The following TBX20 variants were observed in gnomAD, a reference collection of about 807,000 sequenced individuals.
TBX20 encodes T-box transcription factor TBX20.
In TBX20, 8 loss-of-function variants were observed where a neutral mutation model predicts 42.9. That is an observed-to-expected ratio of 0.19 (90% confidence interval 0.11 to 0.34). The LOEUF (loss-of-function observed/expected upper bound fraction) is 0.34, where lower values mean the gene tolerates loss of function less well. TBX20 is among the 10% of genes least tolerant of loss of function. The pLI is 1.00. For synonymous variants in TBX20, 198 were observed against 222.8 expected (o/e 0.89, Z 0.99); for missense variants, 411 against 566.0 (o/e 0.73, Z 2.78).
intron 6 of TBX20, among the ~76,000 whole-genome samples, chr7:35,230,464 C>A (rs1584350296): frequency 6.6e-6 from 1 of 152,234 alleles, no homozygotes; most frequent in East Asian, 1.9e-4. Context: ...TTCAGCCTCT[C>A]CTGCTTGCTC....
At chr7:35,245,995 A>C (rs1190791680) in intron 3 of TBX20, among the ~76,000 whole-genome samples, 1 of 152,194 alleles carries the variant, frequency 6.6e-6, no homozygotes, top group Non-Finnish European at 1.5e-5. Context: ...TTTACACCTA[A>C]ATTTTATATA....
intron 6 of TBX20, among the ~76,000 whole-genome samples, chr7:35,214,009 C>G (rs1011047473): frequency 5.3e-5 from 8 of 150,920 alleles, no homozygotes; most frequent in African/African-American, 1.7e-4. Flanking sequence ...GATAATAGTG[C>G]TATGGAAAAT....
intron 5 of TBX20, 107 bp from the exon 6 acceptor site, chr7:35,231,687 C>T (rs1174422652): frequency 1.3e-6 from 1 of 780,140 alleles, no homozygotes; most frequent in African/African-American, 1.7e-5. Flanking sequence ...CTTAATGTTT[C>T]TCAGTGTCCT....
In TBX20 at chr7:35,249,221, T is replaced by A. The variant is rs1790257211; in HGVS notation, c.381-380A>T. ...CCTGGAGCTGACCCAGTCACACAAC[T>A]CACCCGCATCCCAGCCAGAAAACTC... On this transcript the variant is annotated intron_variant, in intron 2 of 7. Coordinates refer to ENST00000408931, the MANE Select transcript of TBX20 (RefSeq NM_001077653.2). This position sits in a 1 kb window ranked among gnomAD's most constrained non-coding sequence, Gnocchi z 4.3. Among the ~76,000 whole-genome samples, 2 of 152,164 alleles carry A rather than the reference T, an allele frequency of 1.3e-5. No homozygotes were observed. The highest frequency in any genetic ancestry group is 4.8e-5 in the African/African-American group (2 of 41,442).
intron 6 of TBX20, among the ~76,000 whole-genome samples, chr7:35,215,782 G>A (rs1264038412): frequency 6.6e-6 from 1 of 151,890 alleles, no homozygotes. Context: ...ACACAATCAC[G>A]GCCAGAAAAT....
At chr7:35,204,803 C>A (rs1789373266) in intron 6 of TBX20, among the ~76,000 whole-genome samples, 2 of 152,112 alleles carry the variant, frequency 1.3e-5, no homozygotes. Flanking sequence ...ACATGACTGA[C>A]TAGGACAAGG....
At chr7:35,236,090 C>T (rs577107870) in intron 5 of TBX20, among the ~76,000 whole-genome samples, 1 of 152,078 alleles carries the variant, frequency 6.6e-6, no homozygotes, top group Non-Finnish European at 1.5e-5. Flanking sequence ...TGCAATCATT[C>T]CCTCACAAAA....
chr7:35,220,654 T>C (rs1789667170), intron 6 of TBX20, among the ~76,000 whole-genome samples: 1 of 152,206 alleles, frequency 6.6e-6, no homozygotes, highest in Non-Finnish European at 1.5e-5. Flanking sequence ...TCAGGATCAA[T>C]TTCAGCTCCT....
chr7:35,220,528 T>C (rs369837615), intron 6 of TBX20, among the ~76,000 whole-genome samples: 2 of 152,210 alleles, frequency 1.3e-5, no homozygotes, highest in East Asian at 1.9e-4. Context: ...TCCTTATCTA[T>C]CTGCGACAAC....
At chr7:35,210,742 G>C (rs1365544884) in intron 6 of TBX20, among the ~76,000 whole-genome samples, 4 of 152,002 alleles carry the variant, frequency 2.6e-5, no homozygotes, top group East Asian at 3.9e-4. Flanking sequence ...TTGTTAACAT[G>C]CTACTTTTTT....
Position 35,250,209 on chromosome 7 carries a change from G to T in TBX20, c.128-6C>A. ...CGACTTCTCCACAAATTGCTCTGGA[G>T]GTAAAGAGAATTGTGAATGACAGCT... On this transcript the variant is annotated splice_polypyrimidine_tract_variant and splice_region_variant and intron_variant, in intron 1 of 7. Coordinates refer to ENST00000408931, the MANE Select transcript of TBX20 (RefSeq NM_001077653.2). 1 of 1,613,956 alleles carries T rather than the reference G, an allele frequency of 6.2e-7. No individual in the cohort carries two copies. The highest frequency in any genetic ancestry group is 8.5e-7 in the Non-Finnish European group (1 of 1,179,990).
chr7:35,251,207 T>C (rs533802373), intron 1 of TBX20, among the ~76,000 whole-genome samples: 15 of 152,352 alleles, frequency 9.8e-5, no homozygotes, highest in Middle Eastern at 3.4e-3. Context: ...AAGAAACTAC[T>C]TGAATTTGCA....
chr7:35,241,587 C>T (rs898340997), intron 4 of TBX20, among the ~76,000 whole-genome samples: 1 of 152,184 alleles, frequency 6.6e-6, no homozygotes, highest in Non-Finnish European at 1.5e-5. Flanking sequence ...TATGCAGAAA[C>T]AGTACTAACC....
intron 6 of TBX20, among the ~76,000 whole-genome samples, chr7:35,210,061 C>A (rs769223249): frequency 6.6e-6 from 1 of 151,154 alleles, no homozygotes; most frequent in Admixed American, 6.6e-5. Flanking sequence ...ACTTCTTTTG[C>A]GTAGTGTATA....
intron 6 of TBX20, among the ~76,000 whole-genome samples, chr7:35,217,582 C>A (rs745663935): frequency 5.3e-5 from 8 of 152,258 alleles, no homozygotes; most frequent in Admixed American, 2.6e-4. Flanking sequence ...AGTGCAGAAA[C>A]ACATCTTGCT....
chr7:35,243,420 G>A lies in TBX20; in HGVS notation c.654+1529C>T, dbSNP rs112599836. Among the ~76,000 whole-genome samples, 200 of 152,236 alleles carry A rather than the reference G, an allele frequency of 1.3e-3. 2 individuals are homozygous for A. Among genetic ancestry groups the A allele is most frequent in the African/African-American group, 4.5e-3 (186 of 41,560 alleles). ...TGGTTTAGAGCTATTACTACCCAAC[G>A]AAGCTGATGCTAAAAGGAAAGCATT... On this transcript the variant is annotated intron_variant, in intron 4 of 7. Coordinates refer to ENST00000408931, the MANE Select transcript of TBX20 (RefSeq NM_001077653.2).
At chr7:35,242,581 C>T (rs1413492165) in intron 4 of TBX20, among the ~76,000 whole-genome samples, 7 of 152,260 alleles carry the variant, frequency 4.6e-5, no homozygotes, top group Non-Finnish European at 8.8e-5. Context: ...CCCACCCATA[C>T]GTACACATAC....
intron 6 of TBX20, among the ~76,000 whole-genome samples, chr7:35,221,659 C>A (rs1184535404): frequency 6.6e-6 from 1 of 152,138 alleles, no homozygotes; most frequent in Non-Finnish European, 1.5e-5. Context: ...TGGAGCCTCT[C>A]AGTTATGCAA....
intron 6 of TBX20, among the ~76,000 whole-genome samples, chr7:35,215,342 T>C (rs1789565433): frequency 1.3e-5 from 2 of 152,280 alleles, no homozygotes; most frequent in South Asian, 2.1e-4. Flanking sequence ...TCTTCGAAGA[T>C]GTTACAAAGA....
Sources: gnomAD v4.1 joint callset for allele counts (sites outside exome capture counted in the v4.1 genomes callset) on GRCh38, gnomAD v4.1.1 for gene constraint, Gnocchi (gnomAD v3.1) non-coding constraint, MANE v1.5 for transcripts, NCBI Gene and HGNC (gene_info 2026-07-23, HGNC 2026-07-21) for gene names.